FUCA1: variants seen among roughly 807,000 people sequenced by gnomAD.
FUCA1 encodes alpha-L-fucosidase 1.
In FUCA1, 52 loss-of-function variants were observed where a neutral mutation model predicts 56.8. The observed-to-expected ratio is 0.92, with a 90% confidence interval of 0.73 to 1.15. The LOEUF (loss-of-function observed/expected upper bound fraction) is 1.15. Ranked by LOEUF, FUCA1 falls within the 50% of genes most tolerant of loss-of-function variation. The pLI, the probability that FUCA1 is intolerant of heterozygous loss-of-function variation, is 0.00. For missense variants in FUCA1, 568 were observed against 592.6 expected (o/e 0.96, Z 0.43); for synonymous variants, 230 against 226.6 (o/e 1.02, Z -0.14).
At chr1:23,856,979 G>A (rs182183304) in intron 4 of FUCA1, among the ~76,000 whole-genome samples, 3 of 150,548 alleles carry the variant, frequency 2.0e-5, no homozygotes, top group African/African-American at 7.3e-5. Context: ...GCGACAGTGC[G>A]AGACTCCCTC....
chr1:23,853,983 T>A (rs1639336643), intron 5 of FUCA1, among the ~76,000 whole-genome samples: 1 of 151,074 alleles, frequency 6.6e-6, no homozygotes, highest in Non-Finnish European at 1.5e-5. Context: ...CACTTGTTTA[T>A]CTGCTGACCC....
In FUCA1 at chr1:23,846,145, C is replaced by G. The variant is rs751855997; in HGVS notation, c.1189G>C (p.Ala397Pro). 6.2e-7 allele frequency: 1 copy of G among 1,613,986 alleles called. No individual in the cohort carries two copies. Among genetic ancestry groups the G allele is most frequent in the Non-Finnish European group, 8.5e-7 (1 of 1,179,880 alleles). ...TTTTCTGGCCAGTGCAGAAAAATGG[C>G]ATAAACAGCCGATCCCTTTGAGGTA... ...WYTSKGSAVY[A>P]IFLHWPENGV... Residue 397 changes from alanine (A) to proline (P), a missense_variant, in exon 7 of 8, where the codon GCC becomes CCC. Transcript: ENST00000374479.
At chr1:23,853,105 G>C (rs1207018724) in intron 5 of FUCA1, among the ~76,000 whole-genome samples, 1 of 147,486 alleles carries the variant, frequency 6.8e-6, no homozygotes, top group African/African-American at 2.5e-5. Flanking sequence ...CGTCTGAGAT[G>C]TGGGGAGCGC....
intron 6 of FUCA1, 142 bp downstream of exon 6, chr1:23,848,507 G>A: frequency 1.3e-6 from 1 of 775,902 alleles, no homozygotes. Flanking sequence ...CTCAAATGGG[G>A]TACAAATTTT....
rs748804522 is a variant in FUCA1 at position 23,865,652 on chromosome 1, A to G, written c.390-27T>C. On this transcript the variant is annotated intron_variant, in intron 1 of 7. Transcript: ENST00000374479. The stretch of plus-strand genomic sequence containing the variant: ...TGTGGACAGCAAAACCACATGAGCA[A>G]AGGAAGTGGGCAGTGAACTTGCATG... 9.9e-6 allele frequency: 16 copies of G among 1,614,212 alleles called. No individual in the cohort carries two copies. Among genetic ancestry groups the G allele is most frequent in the East Asian group, 4.5e-5 (2 of 44,886 alleles).
In FUCA1 at chr1:23,854,794, G is replaced by A. The variant is rs79819479; in HGVS notation, c.769-234C>T. Among the ~76,000 whole-genome samples, 592 of 152,236 alleles carry A rather than the reference G, an allele frequency of 3.9e-3. 5 individuals are homozygous for A. The highest frequency in any genetic ancestry group is 0.021 in the South Asian group (102 of 4,828). On this transcript the variant is annotated intron_variant, in intron 4 of 7. Transcript: ENST00000374479. The stretch of plus-strand genomic sequence containing the variant: ...GTAGAGACCAGGGATGTTACTAAAC[G>A]TCCTACAATGCACAGGACAGCCCCC...
intron 2 of FUCA1, among the ~76,000 whole-genome samples, chr1:23,864,791 G>A (rs974317264): frequency 6.7e-5 from 10 of 149,458 alleles, no homozygotes; most frequent in Non-Finnish European, 1.3e-4. Flanking sequence ...TGCAACCTCC[G>A]CCTCCTGGGT....
chr1:23,855,518 A>G (rs530787017), intron 4 of FUCA1, among the ~76,000 whole-genome samples: 18 of 152,356 alleles, frequency 1.2e-4, no homozygotes, highest in African/African-American at 4.3e-4. Context: ...AAACAAAAAC[A>G]AAACTGAAAC....
At chr1:23,852,790 C>G (rs1048174670) in intron 5 of FUCA1, among the ~76,000 whole-genome samples, 1 of 152,168 alleles carries the variant, frequency 6.6e-6, no homozygotes, top group Non-Finnish European at 1.5e-5. Flanking sequence ...CAATGGTGCC[C>G]AGGCTGGAGT....
chr1:23,857,713 G>A (rs1029493451), intron 4 of FUCA1, among the ~76,000 whole-genome samples: 2 of 151,692 alleles, frequency 1.3e-5, no homozygotes, highest in Non-Finnish European at 2.9e-5. Flanking sequence ...TGTTGCCCAG[G>A]CTGGAGTGCA....
At chr1:23,846,603 G>C (rs1639148121) in intron 6 of FUCA1, among the ~76,000 whole-genome samples, 1 of 61,630 alleles carries the variant, frequency 1.6e-5, no homozygotes, top group Non-Finnish European at 4.6e-5. Flanking sequence ...ACGAAGCCTT[G>C]TTGTCCAGGC....
chr1:23,862,970 G>A (rs1557514416), intron 3 of FUCA1, among the ~76,000 whole-genome samples, 164 bp downstream of exon 3: 1 of 152,176 alleles, frequency 6.6e-6, no homozygotes, highest in Admixed American at 6.6e-5. Context: ...CTGAAAGGCA[G>A]GAGGAAAGAA....
At chr1:23,859,491 G>A (rs1283503022) in intron 4 of FUCA1, among the ~76,000 whole-genome samples, 3 of 151,754 alleles carry the variant, frequency 2.0e-5, no homozygotes, top group African/African-American at 4.8e-5. Flanking sequence ...ACTTGAACTC[G>A]GGAGACAGAG....
intron 4 of FUCA1, among the ~76,000 whole-genome samples, chr1:23,854,943 T>C (rs908934826): frequency 3.3e-5 from 5 of 152,098 alleles, no homozygotes; most frequent in African/African-American, 1.2e-4. Flanking sequence ...ACTTTTTCTA[T>C]AAGAGGAGAA....
At position 23,860,278 on chromosome 1, in the gene FUCA1, C is replaced by A. The variant is rs1639479180; in HGVS notation, c.663-375G>T. Reference sequence around the variant, plus strand: ...TAATAAAACCAGTTTGCTAATAAAACCACCATTTAAAACAAACACAGCAGG... The same window carrying A: ...TAATAAAACCAGTTTGCTAATAAAAACACCATTTAAAACAAACACAGCAGG... On this transcript the variant is annotated intron_variant, in intron 3 of 7. Coordinates refer to ENST00000374479, the MANE Select transcript of FUCA1 (RefSeq NM_000147.5). Among the ~76,000 whole-genome samples the A allele has an allele frequency of 2.6e-5, 4 of 152,102 alleles. No individual in the cohort carries two copies. In the South Asian group the frequency reaches 8.3e-4, roughly 32 times the overall value.
intron 5 of FUCA1, among the ~76,000 whole-genome samples, chr1:23,851,021 C>T (rs1238837247): frequency 6.6e-6 from 1 of 152,010 alleles, no homozygotes; most frequent in Non-Finnish European, 1.5e-5. Context: ...TCAAAGGATC[C>T]TCCCACCTTG....
intron 4 of FUCA1, 146 bp downstream of exon 4, chr1:23,859,652 C>A: frequency 1.6e-6 from 1 of 628,088 alleles, no homozygotes; most frequent in South Asian, 1.6e-5. Context: ...AAACCTTTAA[C>A]ATCCATTAAG....
At chr1:23,854,654 A>G in intron 4 of FUCA1, 94 bp from the exon 5 acceptor site, 1 of 1,085,794 alleles carries the variant, frequency 9.2e-7, no homozygotes, top group Non-Finnish European at 1.4e-6. Flanking sequence ...GAAGCAAGAA[A>G]CTTAGTCTAG....
intron 5 of FUCA1, among the ~76,000 whole-genome samples, chr1:23,853,553 C>T (rs1168137866): frequency 2.0e-5 from 3 of 152,178 alleles, no homozygotes; most frequent in East Asian, 1.9e-4. Context: ...ACCACCCCGT[C>T]TGGGAGGTGT....
Sources: allele counts gnomAD v4.1 joint callset (sites outside exome capture counted in the v4.1 genomes callset), GRCh38; gene constraint gnomAD v4.1.1; transcripts MANE v1.5; gene names NCBI Gene and HGNC (gene_info 2026-07-23, HGNC 2026-07-21).